The following DNAJC11 variants were observed in gnomAD, a reference collection of about 807,000 sequenced individuals.
DNAJC11 encodes DnaJ heat shock protein family (Hsp40) member C11.
DNAJC11 carries 15 observed loss-of-function variants against 78.6 expected under a neutral mutation model. The observed-to-expected ratio is 0.19, with a 90% CI of 0.13 to 0.29. The LOEUF (loss-of-function observed/expected upper bound fraction) is 0.29, where lower values mean the gene tolerates loss of function less well. Among genes scored for constraint, DNAJC11 ranks in the 10% least tolerant of loss-of-function variants. DNAJC11 has a pLI of 1.00. For synonymous variants in DNAJC11, 292 were observed against 272.1 expected, an observed-to-expected ratio of 1.07 and a Z score of -0.72; for missense variants, 547 against 709.6, an observed-to-expected ratio of 0.77 and a Z score of 2.60.
rs930363327 is a variant in DNAJC11, at chr1:6,645,651, G to C, written c.894+138C>G. ...CAGGTCACTCGAGTGTGAGCACCGAGAGCCTGCCCCTCAGGGCCCTGTATG... is the reference window on the plus strand; with the variant it reads ...CAGGTCACTCGAGTGTGAGCACCGACAGCCTGCCCCTCAGGGCCCTGTATG... On this transcript the variant is annotated intron_variant, in intron 8 of 15. Coordinates refer to ENST00000377577, the MANE Select transcript of DNAJC11 (RefSeq NM_018198.4). This position sits in a 1 kb window ranked among gnomAD's most constrained non-coding sequence, Gnocchi z 4.1. The C allele has an allele frequency of 1.6e-5, 16 of 983,846 alleles. No homozygotes were observed. The highest frequency in any genetic ancestry group is 1.7e-5 in the Non-Finnish European group (11 of 665,300). 60.9% of individuals were successfully genotyped at this position (983,846 alleles called of 1,614,324 possible).
At chr1:6,672,267 C>T (rs898970867) in intron 3 of DNAJC11, among the ~76,000 whole-genome samples, 1 of 152,142 alleles carries the variant, frequency 6.6e-6, no homozygotes, top group Non-Finnish European at 1.5e-5. Flanking sequence ...TGCCCATACA[C>T]TACTATTTTT....
chr1:6,657,413 G>C (rs1374406345), intron 4 of DNAJC11, among the ~76,000 whole-genome samples: 2 of 152,282 alleles, frequency 1.3e-5, no homozygotes, highest in Non-Finnish European at 1.5e-5. Flanking sequence ...ATGCAGACCA[G>C]CCAGCCTTCT....
intron 3 of DNAJC11, 30 bp from the exon 4 acceptor site, chr1:6,667,840 T>A: frequency 6.2e-7 from 1 of 1,601,042 alleles, no homozygotes; most frequent in Non-Finnish European, 8.6e-7. Flanking sequence ...GGGAAGACAG[T>A]TGAGGACCCA....
In DNAJC11 at chr1:6,645,685, C is replaced by G. The variant is rs1316856868; in HGVS notation, c.894+104G>C. 3.0e-5 allele frequency: 41 copies of G among 1,351,868 alleles called. 1 individual carries two copies. In the South Asian group the frequency reaches 5.4e-4, roughly 18 times the overall value. 83.7% of individuals were successfully genotyped at this position (1,351,868 alleles called of 1,614,324 possible). Reference sequence around the variant, plus strand: ...CCTCAGGGCCCTGTATGGGCTTAGACTTAGTGGTGATCAGGACGCAGGATT... The same window carrying G: ...CCTCAGGGCCCTGTATGGGCTTAGAGTTAGTGGTGATCAGGACGCAGGATT... On this transcript the variant is annotated intron_variant, in intron 8 of 15. Transcript: ENST00000377577. The surrounding 1 kb of genome is among the most constrained non-coding windows in gnomAD (Gnocchi z 4.1).
intron 10 of DNAJC11, 107 bp from the exon 11 acceptor site, chr1:6,640,164 G>T (rs942902972): frequency 7.3e-7 from 1 of 1,366,644 alleles, no homozygotes; most frequent in Non-Finnish European, 9.7e-7. Flanking sequence ...GCTGCGTGCA[G>T]CTGCGAGTTA....
At position 6,645,587 on chromosome 1, in the gene DNAJC11, C is replaced by A. The variant is rs192366768; in HGVS notation, c.894+202G>T. On this transcript the variant is annotated intron_variant, in intron 8 of 15. Coordinates refer to ENST00000377577, the MANE Select transcript of DNAJC11 (RefSeq NM_018198.4). This position sits in a 1 kb window ranked among gnomAD's most constrained non-coding sequence, Gnocchi z 4.1. ...GATGATCCAACAAAGCTGCCCCAGG[C>A]GCCTGAAGGCAACTGCATTTCATAC... Among the ~76,000 whole-genome samples the A allele has an allele frequency of 8.5e-5, 13 of 152,322 alleles. No homozygotes were observed. In the East Asian group the frequency reaches 2.3e-3, roughly 27 times the overall value.
In DNAJC11 at chr1:6,639,808, C is replaced by T. The variant is rs115566718; in HGVS notation, c.1253+94G>A. ...ACTTAATTCAGGTTTCCTCATCACC[C>T]GACGCAGGAGGCTCTGTTATCCTCT... On this transcript the variant is annotated intron_variant, in intron 11 of 15. Transcript: ENST00000377577. 9.8e-4 allele frequency: 1,366 copies of T among 1,393,374 alleles called. 11 individuals are homozygous for T. In the African/African-American group the frequency reaches 0.016, roughly 16 times the overall value. The allele number at this position is 1,393,374 out of a possible 1,614,324, so 86.3% of individuals were successfully genotyped here.
intron 1 of DNAJC11, among the ~76,000 whole-genome samples, chr1:6,697,589 G>A (rs1018010611): frequency 5.3e-5 from 8 of 150,066 alleles, no homozygotes; most frequent in Non-Finnish European, 8.8e-5. Flanking sequence ...CTTGCCCGAC[G>A]CTAACCGCTT....
intron 3 of DNAJC11, chr1:6,670,502 T>C (rs1642363254): frequency 6.6e-6 from 1 of 151,972 alleles, no homozygotes; most frequent in South Asian, 2.1e-4. Context: ...TAAAAAAAAA[T>C]ACAAAAACGC....
intron 12 of DNAJC11, 194 bp from the exon 13 acceptor site, chr1:6,637,698 T>C: frequency 3.1e-6 from 2 of 636,758 alleles, no homozygotes; most frequent in Non-Finnish European, 5.5e-6. Flanking sequence ...GGCAGGCAGC[T>C]CTGGGTCAGA....
intron 3 of DNAJC11, among the ~76,000 whole-genome samples, chr1:6,669,789 C>T (rs570156579): frequency 1.3e-5 from 2 of 151,850 alleles, no homozygotes; most frequent in Admixed American, 6.6e-5. Context: ...TTTTCTATCA[C>T]GACCAAAGTT....
intron 10 of DNAJC11, among the ~76,000 whole-genome samples, chr1:6,642,514 G>GC (rs908987394): frequency 1.6e-4 from 24 of 152,162 alleles, no homozygotes; most frequent in Non-Finnish European, 4.4e-5. Context: ...TTTGGACAGA[G>GC]CAAGTAGAAG....
chr1:6,651,102 G>A (rs781539579), intron 7 of DNAJC11: 14 of 535,098 alleles, frequency 2.6e-5, no homozygotes, highest in African/African-American at 2.5e-4. Flanking sequence ...CAGCAGAGAC[G>A]ACAGGAAGCA....
chr1:6,650,998 C>G (rs1391517772), intron 7 of DNAJC11: 1 of 515,838 alleles, frequency 1.9e-6, no homozygotes, highest in Non-Finnish European at 4.0e-6. Context: ...TGAGCTCACA[C>G]AGACATCACT....
intron 6 of DNAJC11, among the ~76,000 whole-genome samples, chr1:6,651,912 C>T (rs1642059469): frequency 6.6e-6 from 1 of 152,108 alleles, no homozygotes; most frequent in African/African-American, 2.4e-5. Context: ...AGCTGGCTCC[C>T]CCTACCCCTC....
At chr1:6,648,970 C>T (rs2148731806) in intron 7 of DNAJC11, among the ~76,000 whole-genome samples, 1 of 152,110 alleles carries the variant, frequency 6.6e-6, no homozygotes, top group Admixed American at 6.5e-5. Flanking sequence ...CCCATGGCAG[C>T]ATGTCCCACA....
intron 10 of DNAJC11, among the ~76,000 whole-genome samples, chr1:6,641,412 C>T (rs1161788360): frequency 6.7e-6 from 1 of 148,176 alleles, no homozygotes; most frequent in South Asian, 2.2e-4. Context: ...TATATACACA[C>T]ACACACACAC....
rs1215284816 is a variant in DNAJC11, at chr1:6,680,815, G to A, written c.202+93C>T. Reference sequence around the variant, plus strand: ...AACCACCTGTTTTATATACCTCTAAGGACTCTCTTTTTCTATCCTCTACAA... The same window carrying A: ...AACCACCTGTTTTATATACCTCTAAAGACTCTCTTTTTCTATCCTCTACAA... On this transcript the variant is annotated intron_variant, in intron 2 of 15. Coordinates refer to ENST00000377577, the MANE Select transcript of DNAJC11 (RefSeq NM_018198.4). The surrounding 1 kb of genome is among the most constrained non-coding windows in gnomAD (Gnocchi z 4.0). The A allele has an allele frequency of 1.3e-6, 2 of 1,495,800 alleles. No homozygotes were observed. Among genetic ancestry groups the A allele is most frequent in the Non-Finnish European group, 1.8e-6 (2 of 1,094,892 alleles). The allele number at this position is 1,495,800 out of a possible 1,614,324, so 92.7% of individuals were successfully genotyped here. A position where few individuals can be genotyped will look rare whatever the true frequency, so the allele number is the denominator to read the frequency against.
At chr1:6,637,547 CT>C (rs773171401) in intron 12 of DNAJC11, 43 bp from the exon 13 acceptor site, 2 of 1,610,624 alleles carry the variant, frequency 1.2e-6, no homozygotes, top group Admixed American at 3.3e-5. Context: ...CCTGCCAGGC[CT>C]GTTCCACCTC....
Sources: allele counts gnomAD v4.1 joint callset (sites outside exome capture counted in the v4.1 genomes callset), GRCh38; gene constraint gnomAD v4.1.1; non-coding constraint Gnocchi (gnomAD v3.1); transcripts MANE v1.5; gene names NCBI Gene and HGNC (gene_info 2026-07-23, HGNC 2026-07-21).